METTL22: variants seen among roughly 807,000 people sequenced by gnomAD.
METTL22 encodes the protein methyltransferase-like protein 22.
METTL22 carries 51 observed loss-of-function variants against 48.4 expected under a neutral mutation model. That is an observed-to-expected ratio of 1.05 (90% CI 0.84 to 1.33). METTL22 has a LOEUF of 1.33. METTL22 is among the 40% of genes most tolerant of loss of function. The probability of loss-of-function intolerance (pLI) is 0.00; values close to 1 mark genes in which losing one functional copy is unlikely to be tolerated. For missense variants in METTL22, 678 were observed against 526.9 expected (o/e 1.29, Z -2.81); for synonymous variants, 255 against 214.1 (o/e 1.19, Z -1.67).
the METTL22 span, among the ~76,000 whole-genome samples, chr16:8,658,722 T>G: frequency 1.3e-5 from 2 of 152,218 alleles, no homozygotes; most frequent in Admixed American, 1.3e-4. Flanking sequence ...GGGCGGGGAC[T>G]TGGCTTTTCA....
Position 8,646,851 on chromosome 16 carries a change from T to A in METTL22, c.*708T>A. On this transcript the variant is annotated 3_prime_UTR_variant, in exon 11 of 11. Coordinates refer to ENST00000381920, the MANE Select transcript of METTL22 (RefSeq NM_024109.4). ...TTTTCCCTCCGCCCCTTGGTCTCTC[T>A]GTCTTATCACGTGTGTACATGTCTG... 2.7e-6 allele frequency: 1 copy of A among 371,926 alleles called. No individual in the cohort carries two copies. The highest frequency in any genetic ancestry group is 5.3e-6 in the Non-Finnish European group (1 of 188,138). 23.0% of individuals were successfully genotyped at this position (371,926 alleles called of 1,614,324 possible).
At chr16:8,633,464 G>A (rs1477649604) in intron 3 of METTL22, among the ~76,000 whole-genome samples, 1 of 152,160 alleles carries the variant, frequency 6.6e-6, no homozygotes, top group Non-Finnish European at 1.5e-5. Context: ...AATTTAGCCT[G>A]GCATGGAGGC....
intron 1 of METTL22, among the ~76,000 whole-genome samples, 154 bp downstream of exon 1, chr16:8,621,929 G>C (rs1378538765): frequency 6.6e-6 from 1 of 152,204 alleles, no homozygotes; most frequent in Non-Finnish European, 1.5e-5. Context: ...CTCAACACGG[G>C]TGTTGGGGAA....
intron 4 of METTL22, 42 bp downstream of exon 4, chr16:8,635,121 C>T (rs2056382404): frequency 5.0e-6 from 8 of 1,613,974 alleles, no homozygotes; most frequent in Middle Eastern, 1.7e-4. Context: ...TGATGGGTCC[C>T]TGCAGAGCCT....
intron 10 of METTL22, among the ~76,000 whole-genome samples, chr16:8,645,643 G>T (rs868280672): frequency 1.1e-4 from 16 of 151,900 alleles, no homozygotes; most frequent in African/African-American, 3.6e-4. Flanking sequence ...ATGCATGGTG[G>T]TGCACACCTG....
intron 2 of METTL22, 130 bp downstream of exon 2, chr16:8,625,928 C>A (rs768401818): frequency 2.6e-6 from 3 of 1,139,106 alleles, no homozygotes; most frequent in Non-Finnish European, 3.7e-6. Flanking sequence ...TTTTAAGTGC[C>A]CTTTTTTTCT....
intron 3 of METTL22, among the ~76,000 whole-genome samples, chr16:8,630,650 T>G (rs184237416): frequency 6.6e-6 from 1 of 152,156 alleles, no homozygotes; most frequent in African/African-American, 2.4e-5. Context: ...GTAGTGAATG[T>G]TCTGGGAATT....
intron 6 of METTL22, chr16:8,639,438 C>A (rs553007303): frequency 9.0e-4 from 462 of 511,152 alleles, no homozygotes; most frequent in Middle Eastern, 2.1e-3. Context: ...CTCCCCAGCT[C>A]CTTAGTTGAC....
chr16:8,656,564 A>G, the METTL22 span, among the ~76,000 whole-genome samples: 41,601 of 152,166 alleles, frequency 0.27, 6,787 homozygotes, highest in African/African-American at 0.46. Context: ...GTGGGCTGTG[A>G]AGATGGGAGA....
chr16:8,623,398 T>C (rs2055927218), intron 1 of METTL22, among the ~76,000 whole-genome samples: 1 of 151,794 alleles, frequency 6.6e-6, no homozygotes, highest in South Asian at 2.1e-4. Flanking sequence ...TTAGAGAGGA[T>C]CTTCCCCACC....
At chr16:8,651,492 GT>G (rs2056897592), downstream of METTL22, among the ~76,000 whole-genome samples, 3 of 151,600 alleles carry the variant, frequency 2.0e-5, no homozygotes, top group Admixed American at 1.3e-4. Context: ...CTAAGGTAGA[GT>G]TTTTGGCTTG....
At chr16:8,645,618 GA>G (rs71152913) in intron 10 of METTL22, among the ~76,000 whole-genome samples, 149,888 of 151,780 alleles carry the variant, frequency 0.99, 74,046 homozygotes, top group Middle Eastern at 1. Flanking sequence ...CAAAAATCAA[GA>G]AAAAAAATTA....
At chr16:8,654,717 G>A in the METTL22 span, among the ~76,000 whole-genome samples, 1 of 152,102 alleles carries the variant, frequency 6.6e-6, no homozygotes, top group South Asian at 2.1e-4. Flanking sequence ...GGTGGGTCTG[G>A]GGCTACAAGA....
chr16:8,661,148 C>T, the METTL22 span, among the ~76,000 whole-genome samples: 1 of 152,090 alleles, frequency 6.6e-6, no homozygotes, highest in African/African-American at 2.4e-5. Flanking sequence ...GGTGCCCCAG[C>T]CTCATGAATC....
chr16:8,658,305 C>A, the METTL22 span, among the ~76,000 whole-genome samples: 2 of 152,184 alleles, frequency 1.3e-5, no homozygotes. Flanking sequence ...ACCTTGATTG[C>A]GGACTTCTGG....
rs150690411 is a variant in METTL22, at chr16:8,625,913, C to T, written c.133+115C>T. ...GGATTACGTAACTGTTATCCTCAGA[C>T]CACTTTTTAAGTGCCCTTTTTTTCT... On this transcript the variant is annotated intron_variant, in intron 2 of 10. Coordinates refer to ENST00000381920, the MANE Select transcript of METTL22 (RefSeq NM_024109.4). 553 of 1,336,180 alleles carry T rather than the reference C, an allele frequency of 4.1e-4. 1 individual carries two copies. The African/African-American group carries it at 7.4e-3, about 18-fold the overall frequency. The allele number at this position is 1,336,180 out of a possible 1,614,324, so 82.8% of individuals were successfully genotyped here.
chr16:8,627,388 T>A (rs2056097109), intron 2 of METTL22, among the ~76,000 whole-genome samples: 1 of 152,044 alleles, frequency 6.6e-6, no homozygotes, highest in Non-Finnish European at 1.5e-5. Flanking sequence ...GAAGCAACCA[T>A]AAGATACAAG....
At chr16:8,637,158 T>G (rs1233521402) in intron 5 of METTL22, among the ~76,000 whole-genome samples, 1 of 152,240 alleles carries the variant, frequency 6.6e-6, no homozygotes, top group African/African-American at 2.4e-5. Context: ...GGTTTACACC[T>G]CATTGCTTCC....
chr16:8,651,912 T>C (rs567591690), downstream of METTL22, among the ~76,000 whole-genome samples: 1 of 152,266 alleles, frequency 6.6e-6, no homozygotes, highest in South Asian at 2.1e-4. Context: ...ACCTAATGCA[T>C]GCAGGGCTTA....
Sources: gnomAD v4.1 joint callset for allele counts (sites outside exome capture counted in the v4.1 genomes callset) on GRCh38, gnomAD v4.1.1 for gene constraint, MANE v1.5 for transcripts, NCBI Gene and HGNC (gene_info 2026-07-23, HGNC 2026-07-21) for gene names.